GABRG3: variants seen among roughly 807,000 people sequenced by gnomAD.
GABRG3 encodes gamma-aminobutyric acid receptor subunit gamma-3.
GABRG3 carries 25 observed loss-of-function variants against 48.8 expected under a neutral mutation model. That is an observed-to-expected ratio of 0.51 (90% CI 0.37 to 0.72). GABRG3 has a LOEUF of 0.72. GABRG3 is among the 30% of genes least tolerant of loss of function. The pLI is 0.00. For missense variants in GABRG3, 394 were observed against 577.9 expected (o/e 0.68, Z 3.26); for synonymous variants, 227 against 217.6 (o/e 1.04, Z -0.38).
At chr15:27,518,148 C>G (rs7176328) in intron 6 of GABRG3, among the ~76,000 whole-genome samples, 1 of 144,356 alleles carries the variant, frequency 6.9e-6, no homozygotes, top group African/African-American at 2.6e-5. Context: ...GTCAGGAGTT[C>G]GAGACCAGCA....
At chr15:27,250,021 A>G (rs979166639) in intron 3 of GABRG3, among the ~76,000 whole-genome samples, 2 of 152,064 alleles carry the variant, frequency 1.3e-5, no homozygotes, top group South Asian at 2.1e-4. Flanking sequence ...TGGGAGGGGA[A>G]TGTCAGCATT....
chr15:27,349,259 T>C (rs1894477028), intron 5 of GABRG3, among the ~76,000 whole-genome samples: 1 of 152,102 alleles, frequency 6.6e-6, no homozygotes, highest in Non-Finnish European at 1.5e-5. Flanking sequence ...TTATATATAA[T>C]TGAATTAAAA....
chr15:27,233,859 G>A (rs1000276079), intron 3 of GABRG3, among the ~76,000 whole-genome samples: 2 of 152,182 alleles, frequency 1.3e-5, no homozygotes, highest in Non-Finnish European at 2.9e-5. Context: ...TCTATAAACA[G>A]GGAAGCTATT....
At chr15:27,159,340 A>C (rs886957338) in intron 3 of GABRG3, among the ~76,000 whole-genome samples, 6 of 151,972 alleles carry the variant, frequency 3.9e-5, no homozygotes, top group African/African-American at 1.5e-4. Context: ...AATTTGGCCA[A>C]GTGTGCTGGT....
At chr15:27,308,272 A>AATATAAACATACGTTTATATATAAACATC (rs1566773671) in intron 3 of GABRG3, among the ~76,000 whole-genome samples, 30 of 113,252 alleles carry the variant, frequency 2.6e-4, no homozygotes, top group Admixed American at 3.7e-4. Context: ...ATATAAACAT[A>AATATAAACATACGTTTATATATAAACATC]ATATAAACAT....
chr15:27,105,500 T>C (rs1304506919), intron 3 of GABRG3, among the ~76,000 whole-genome samples: 7 of 152,214 alleles, frequency 4.6e-5, no homozygotes, highest in Admixed American at 1.3e-4. Flanking sequence ...TACTGTATCT[T>C]GGGTCACAAA....
chr15:27,287,103 C>T (rs1012372734), intron 3 of GABRG3, among the ~76,000 whole-genome samples: 1 of 152,116 alleles, frequency 6.6e-6, no homozygotes, highest in Non-Finnish European at 1.5e-5. Context: ...CTATCCTTTT[C>T]GAAAATGAGG....
chr15:27,477,723 T>C (rs1889982308), intron 5 of GABRG3, among the ~76,000 whole-genome samples: 1 of 151,914 alleles, frequency 6.6e-6, no homozygotes, highest in Non-Finnish European at 1.5e-5. Flanking sequence ...AACCTAGAAG[T>C]ACACTCGAAA....
chr15:27,262,772 CT>C (rs1890804530), intron 3 of GABRG3, among the ~76,000 whole-genome samples: 1 of 152,196 alleles, frequency 6.6e-6, no homozygotes, highest in African/African-American at 2.4e-5. Context: ...TGCCTTGTCT[CT>C]GTTTCTTTAT....
intron 3 of GABRG3, among the ~76,000 whole-genome samples, chr15:27,247,644 G>A (rs904634311): frequency 1.3e-5 from 2 of 152,146 alleles, no homozygotes; most frequent in Admixed American, 6.6e-5. Context: ...TGGTAAAGAC[G>A]TACTGGAGAC....
At chr15:27,403,836 C>CAG (rs2140590258) in intron 5 of GABRG3, among the ~76,000 whole-genome samples, 1 of 146,586 alleles carries the variant, frequency 6.8e-6, no homozygotes, top group South Asian at 2.1e-4. Context: ...CGCTTGAACC[C>CAG]AGGAGGCAGA....
chr15:26,980,490 A>T (rs1895032437), intron 2 of GABRG3, among the ~76,000 whole-genome samples: 1 of 152,044 alleles, frequency 6.6e-6, no homozygotes, highest in Non-Finnish European at 1.5e-5. Context: ...ATCCTGGCTA[A>T]CACGGTGAAA....
chr15:27,228,918 T>G (rs1368831670), intron 3 of GABRG3, among the ~76,000 whole-genome samples: 1 of 152,248 alleles, frequency 6.6e-6, no homozygotes, highest in Non-Finnish European at 1.5e-5. Flanking sequence ...GTTTTTTGTT[T>G]TTCTCTTGTA....
At chr15:26,987,653 C>T (rs1194752668) in intron 2 of GABRG3, among the ~76,000 whole-genome samples, 1 of 152,156 alleles carries the variant, frequency 6.6e-6, no homozygotes, top group Non-Finnish European at 1.5e-5. Context: ...ATTACTGAAT[C>T]GGAATAGTTA....
intron 3 of GABRG3, among the ~76,000 whole-genome samples, chr15:27,296,697 C>A (rs1251210250): frequency 1.3e-5 from 2 of 152,032 alleles, no homozygotes; most frequent in South Asian, 4.1e-4. Flanking sequence ...GATGCTGGTG[C>A]AAACAAACCT....
chr15:27,248,793 C>G (rs1387979737), intron 3 of GABRG3, among the ~76,000 whole-genome samples: 1 of 117,930 alleles, frequency 8.5e-6, no homozygotes, highest in Non-Finnish European at 1.7e-5. Flanking sequence ...CACACACACA[C>G]ACACACACAC....
chr15:26,987,111 A>G (rs1595457038), intron 2 of GABRG3, among the ~76,000 whole-genome samples: 2 of 152,222 alleles, frequency 1.3e-5, no homozygotes, highest in African/African-American at 2.4e-5. Flanking sequence ...CAAAAAAATT[A>G]GCTGGGAGTG....
At chr15:27,425,452 A>AG (rs1888262484) in intron 5 of GABRG3, among the ~76,000 whole-genome samples, 1 of 149,358 alleles carries the variant, frequency 6.7e-6, no homozygotes, top group Admixed American at 6.6e-5. Flanking sequence ...AAAATACAAA[A>AG]AAAAAAAAAA....
intron 5 of GABRG3, among the ~76,000 whole-genome samples, chr15:27,401,384 CA>C (rs1448890390): frequency 2.6e-5 from 4 of 152,150 alleles, no homozygotes; most frequent in African/African-American, 9.7e-5. Flanking sequence ...CCCCAAGGTG[CA>C]AACAAAATTA....
Sources: allele counts gnomAD v4.1 joint callset (sites outside exome capture counted in the v4.1 genomes callset), GRCh38; gene constraint gnomAD v4.1.1; transcripts MANE v1.5; gene names NCBI Gene and HGNC (gene_info 2026-07-23, HGNC 2026-07-21).